The following CNTLN variants were observed in gnomAD, a reference collection of about 807,000 sequenced individuals.
CNTLN encodes centlein, centrosomal protein.
CNTLN carries 212 observed loss-of-function variants against 180.0 expected under a neutral mutation model. The ratio of observed to expected loss-of-function variants is 1.18; its 90% CI spans 1.05 to 1.32. CNTLN has a LOEUF of 1.32. Among genes scored for constraint, CNTLN ranks in the 40% most tolerant of loss-of-function variants. CNTLN has a pLI of 0.00. For synonymous variants in CNTLN, 722 were observed against 563.1 expected, an observed-to-expected ratio of 1.28 and a Z score of -3.99; for missense variants, 2,095 against 1,610.9, an observed-to-expected ratio of 1.30 and a Z score of -5.14.
chr9:17,450,405 A>G (rs981416245), intron 18 of CNTLN, among the ~76,000 whole-genome samples: 7 of 152,208 alleles, frequency 4.6e-5, no homozygotes, highest in Non-Finnish European at 1.0e-4. Context: ...GTTGAATGTC[A>G]GTGACTTAAA....
chr9:17,216,240 G>A (rs545528680), intron 2 of CNTLN, among the ~76,000 whole-genome samples: 3 of 152,318 alleles, frequency 2.0e-5, no homozygotes, highest in Middle Eastern at 3.4e-3. Context: ...AACACAAGCC[G>A]TTGAGTCAGG....
chr9:17,526,559 C>T, the CNTLN span, among the ~76,000 whole-genome samples: 1 of 152,112 alleles, frequency 6.6e-6, no homozygotes, highest in Non-Finnish European at 1.5e-5. Context: ...TAAGTGTGCA[C>T]CAAAATATTT....
intron 21 of CNTLN, among the ~76,000 whole-genome samples, chr9:17,465,198 C>G (rs962370419): frequency 1.3e-5 from 2 of 148,594 alleles, no homozygotes; most frequent in African/African-American, 4.9e-5. Context: ...TAAATGTTAT[C>G]CACACCTGAG....
At chr9:17,437,817 A>G (rs1829866671) in intron 18 of CNTLN, among the ~76,000 whole-genome samples, 2 of 152,108 alleles carry the variant, frequency 1.3e-5, no homozygotes, top group Middle Eastern at 3.4e-3. Context: ...ATATATGTAT[A>G]TGTGTGTGTG....
chr9:17,157,806 G>T (rs1323643419), intron 2 of CNTLN, among the ~76,000 whole-genome samples: 1 of 152,218 alleles, frequency 6.6e-6, no homozygotes, highest in African/African-American at 2.4e-5. Context: ...TCGCTTATCA[G>T]TAGTGCATAA....
intron 15 of CNTLN, among the ~76,000 whole-genome samples, chr9:17,401,087 C>T (rs969865620): frequency 6.6e-6 from 1 of 152,258 alleles, no homozygotes; most frequent in African/African-American, 2.4e-5. Context: ...TTTGTCTGTA[C>T]TTTCTGAAAA....
At chr9:17,149,512 C>CTTTTTTTTTTTTTTTTTTTTTTTTTTTT (rs55691769) in intron 2 of CNTLN, among the ~76,000 whole-genome samples, 1 of 106,158 alleles carries the variant, frequency 9.4e-6, no homozygotes, top group Non-Finnish European at 1.9e-5. Flanking sequence ...TTCTTTCTTT[C>CTTTTTTTTTTTTTTTTTTTTTTTTTTTT]TTTTTTTTTT....
intron 5 of CNTLN, among the ~76,000 whole-genome samples, chr9:17,244,704 G>A (rs1022206362): frequency 1.3e-5 from 2 of 151,914 alleles, no homozygotes; most frequent in African/African-American, 4.8e-5. Context: ...TTGTTTTGTG[G>A]TCTTCTCTTC....
chr9:17,196,043 A>C (rs1219690986), intron 2 of CNTLN, among the ~76,000 whole-genome samples: 1 of 151,980 alleles, frequency 6.6e-6, no homozygotes, highest in Non-Finnish European at 1.5e-5. Context: ...TACTTTTTTG[A>C]GATGGAGCCT....
At chr9:17,188,725 T>G (rs555909705) in intron 2 of CNTLN, among the ~76,000 whole-genome samples, 27 of 152,162 alleles carry the variant, frequency 1.8e-4, no homozygotes, top group Admixed American at 3.3e-4. Flanking sequence ...ATTCTATATT[T>G]TTCACATCTA....
rs564479302 is a variant in CNTLN at position 17,288,508 on chromosome 9, T to G, written c.984-9682T>G. ...TGTTGATTTGGGGTGGAGAGTTCTGTAGATGTCTATTACGTCCACTTGGTG... is the reference window on the plus strand; with the variant it reads ...TGTTGATTTGGGGTGGAGAGTTCTGGAGATGTCTATTACGTCCACTTGGTG... On this transcript the variant is annotated intron_variant, in intron 6 of 25. Transcript: ENST00000380647. 9.1e-5 allele frequency among the ~76,000 whole-genome samples: 13 copies of G among 143,078 alleles called. No individual in the cohort carries two copies. In the East Asian group the frequency reaches 2.6e-3, roughly 29 times the overall value. The allele number at this position is 143,078 out of a possible 152,430, so 93.9% of individuals were successfully genotyped here.
chr9:17,386,526 G>A (rs7023540), intron 13 of CNTLN, among the ~76,000 whole-genome samples: 123,802 of 152,136 alleles, frequency 0.81, 50,924 homozygotes, highest in Non-Finnish European at 0.87. Flanking sequence ...CCAAATCCTG[G>A]GATCCTTGAA....
rs1169072897 is a variant in CNTLN at position 17,309,191 on chromosome 9, A to G, written c.1280A>G (p.Gln427Arg). ...QENAKLKEKLQESQGAPLPLP... is the reference protein window; with the variant it reads ...QENAKLKEKLRESQGAPLPLP... Reference sequence around the variant, plus strand: ...AATGCTAAGTTAAAAGAAAAACTTCAGGAATCACAGGGAGCACCTCTTCCT... The same window carrying G: ...AATGCTAAGTTAAAAGAAAAACTTCGGGAATCACAGGGAGCACCTCTTCCT... Residue 427 changes from glutamine to arginine, a missense_variant, in exon 8 of 26, where the codon CAG becomes CGG. Coordinates refer to ENST00000380647, the MANE Select transcript of CNTLN (RefSeq NM_017738.4). The G allele has an allele frequency of 3.7e-6, 6 of 1,609,764 alleles. No individual in the cohort carries two copies. Among genetic ancestry groups the G allele is most frequent in the Non-Finnish European group, 5.1e-6 (6 of 1,177,356 alleles).
chr9:17,320,559 A>G (rs909598169), intron 8 of CNTLN, among the ~76,000 whole-genome samples: 1 of 152,130 alleles, frequency 6.6e-6, no homozygotes, highest in South Asian at 2.1e-4. Context: ...CTGCAGTGCA[A>G]TGACGTGATC....
At chr9:17,344,482 C>T (rs1459931065) in intron 12 of CNTLN, among the ~76,000 whole-genome samples, 1 of 152,042 alleles carries the variant, frequency 6.6e-6, no homozygotes, top group African/African-American at 2.4e-5. Context: ...TTTTGTGAAA[C>T]ATTTATTCAG....
chr9:17,302,088 G>C (rs1044250430), intron 7 of CNTLN: 15 of 952,536 alleles, frequency 1.6e-5, no homozygotes, highest in Non-Finnish European at 1.8e-5. Flanking sequence ...ACACATATGT[G>C]TACACACACA....
chr9:17,205,022 A>T (rs929990990), intron 2 of CNTLN, among the ~76,000 whole-genome samples: 1 of 152,180 alleles, frequency 6.6e-6, no homozygotes, highest in African/African-American at 2.4e-5. Context: ...CATTCATTGC[A>T]GGTGCCCCTC....
intron 8 of CNTLN, among the ~76,000 whole-genome samples, chr9:17,318,158 G>C (rs562359844): frequency 1.3e-5 from 2 of 151,714 alleles, no homozygotes; most frequent in African/African-American, 4.8e-5. Flanking sequence ...CTGCTGAGTA[G>C]CTGGGACTAC....
At chr9:17,508,934 A>G in the CNTLN span, among the ~76,000 whole-genome samples, 1 of 152,206 alleles carries the variant, frequency 6.6e-6, no homozygotes, top group South Asian at 2.1e-4. Context: ...ACCCCTCTGA[A>G]TGAGCAAATA....
Sources: allele counts gnomAD v4.1 joint callset (sites outside exome capture counted in the v4.1 genomes callset), GRCh38; gene constraint gnomAD v4.1.1; transcripts MANE v1.5; gene names NCBI Gene and HGNC (gene_info 2026-07-23, HGNC 2026-07-21).